The following LAMA2 variants were observed in gnomAD, a reference collection of about 807,000 sequenced individuals.
LAMA2 encodes laminin subunit alpha-2.
A neutral mutation model predicts 364.8 loss-of-function variants in LAMA2; 269 were observed. The ratio of observed to expected loss-of-function variants is 0.74; its 90% CI spans 0.67 to 0.82. LAMA2 has a LOEUF of 0.82. Ranked by LOEUF, LAMA2 falls within the 40% of genes least tolerant of loss-of-function variation. LAMA2 has a pLI of 0.00. For missense variants in LAMA2, 3,807 were observed against 3,873.2 expected (o/e 0.98, Z 0.45); for synonymous variants, 1,379 against 1,370.6 (o/e 1.01, Z -0.14).
chr6:129,207,701 G>C (rs1311984672), intron 12 of LAMA2, among the ~76,000 whole-genome samples: 1 of 152,016 alleles, frequency 6.6e-6, no homozygotes, highest in Non-Finnish European at 1.5e-5. Flanking sequence ...GGAGCAAAAG[G>C]GTTATTTTTA....
chr6:129,009,542 T>C (rs998788512), intron 1 of LAMA2, among the ~76,000 whole-genome samples: 1 of 152,204 alleles, frequency 6.6e-6, no homozygotes, highest in Non-Finnish European at 1.5e-5. Context: ...GTGTTTGACC[T>C]TTTGTGCCTT....
chr6:129,353,186 A>C lies in LAMA2; in HGVS notation c.4546A>C (p.Ser1516Arg), dbSNP rs1199904103. The C allele has an allele frequency of 1.9e-6, 3 of 1,613,810 alleles. No individual in the cohort carries two copies. In the South Asian group the frequency reaches 3.3e-5, roughly 18 times the overall value. The change falls in exon 32 of 65, where the codon AGT becomes CGT. Residue 1516 changes from serine (S) to arginine (R), a missense_variant. Ser to Arg is a moderately radical substitution (Grantham distance 110, BLOSUM62 -1). This residue lies in a region of LAMA2 where 3,333 missense variants were observed against 3,345.7 expected (regional missense o/e 1.00). Coordinates refer to ENST00000421865, the MANE Select transcript of LAMA2 (RefSeq NM_000426.4). ...CAGGTGTGCCCCTGGCTATACTGGC[A>C]GTCCAGGCAACCCTGGAGGCTCCTG... Reference protein sequence around the residue: ...CERCAPGYTGSPGNPGGSCQE... With the variant: ...CERCAPGYTGRPGNPGGSCQE...
chr6:128,961,446 G>A (rs1417720087), intron 1 of LAMA2, among the ~76,000 whole-genome samples: 1 of 143,968 alleles, frequency 6.9e-6, no homozygotes, highest in Non-Finnish European at 1.5e-5. Context: ...TTTATTAAGT[G>A]TTAACTTACT....
chr6:128,954,442 G>C (rs1225267844), intron 1 of LAMA2, among the ~76,000 whole-genome samples: 1 of 151,942 alleles, frequency 6.6e-6, no homozygotes, highest in Non-Finnish European at 1.5e-5. Flanking sequence ...TGTGTCTTAG[G>C]AAAATGAGAT....
intron 20 of LAMA2, among the ~76,000 whole-genome samples, chr6:129,295,225 A>G (rs1186148783): frequency 6.6e-6 from 1 of 152,176 alleles, no homozygotes; most frequent in African/African-American, 2.4e-5. Flanking sequence ...ACTCTCTGCC[A>G]GGGTTGTCCT....
At chr6:129,418,804 A>C (rs1026902666) in intron 40 of LAMA2, among the ~76,000 whole-genome samples, 20 of 152,112 alleles carry the variant, frequency 1.3e-4, no homozygotes, top group Admixed American at 1.0e-3. Context: ...TGATTCCTCC[A>C]TTGGCTTAAT....
Position 128,884,520 on chromosome 6 carries a change from A to C in LAMA2, c.112+1163A>C, listed in dbSNP as rs538997012. Reference sequence around the variant, plus strand: ...GTTCTTATAATCTAGCATTTTTAGCAGTACTATTTTTTAAGGAGTAAAGAG... The same window carrying C: ...GTTCTTATAATCTAGCATTTTTAGCCGTACTATTTTTTAAGGAGTAAAGAG... On this transcript the variant is annotated intron_variant, in intron 1 of 64. Coordinates refer to ENST00000421865, the MANE Select transcript of LAMA2 (RefSeq NM_000426.4). Among the ~76,000 whole-genome samples the C allele has an allele frequency of 3.3e-4, 50 of 152,234 alleles. 1 individual carries two copies. In the South Asian group the frequency reaches 5.2e-3, roughly 16 times the overall value.
chr6:129,293,090 C>A, intron 20 of LAMA2: 1 of 985,498 alleles, frequency 1.0e-6, no homozygotes, highest in Non-Finnish European at 1.2e-6. Context: ...CGCTGCATGG[C>A]TCATGCCTCT....
rs148892369 is a variant in LAMA2, at chr6:129,343,498, C to T, written c.4436+1031C>T. 7.3e-4 allele frequency among the ~76,000 whole-genome samples: 111 copies of T among 152,242 alleles called. No homozygotes were observed. The East Asian group carries it at 0.018, about 25-fold the overall frequency. On this transcript the variant is annotated intron_variant, in intron 30 of 64. Transcript: ENST00000421865. ...GCTGGATATTGAAGAGGATAATATA[C>T]ATGGTCTTATTGTTCATCCAGGGAC...
At position 129,461,551 on chromosome 6, in the gene LAMA2, C is replaced by T. The variant is rs140581662; in HGVS notation, c.6992+1227C>T. ...GCCCACATTAATATTCTGCTACTCA[C>T]AAACCAACACCAACTTTTCCCTAAG... On this transcript the variant is annotated intron_variant, in intron 49 of 64. Transcript: ENST00000421865. Among the ~76,000 whole-genome samples, 13 of 152,154 alleles carry T rather than the reference C, an allele frequency of 8.5e-5. No homozygotes were observed. The East Asian group carries it at 1.9e-3, about 23-fold the overall frequency.
At chr6:128,905,848 T>C (rs1476919470) in intron 1 of LAMA2, among the ~76,000 whole-genome samples, 1 of 151,382 alleles carries the variant, frequency 6.6e-6, no homozygotes, top group African/African-American at 2.4e-5. Flanking sequence ...TGTGATCTCA[T>C]TGTTCAATTC....
chr6:129,091,346 A>C (rs773053461), intron 3 of LAMA2, among the ~76,000 whole-genome samples: 6 of 152,194 alleles, frequency 3.9e-5, no homozygotes, highest in African/African-American at 7.2e-5. Context: ...GATTATTATT[A>C]TTAGGAATTC....
chr6:129,237,278 C>T (rs548865417), intron 12 of LAMA2, among the ~76,000 whole-genome samples: 5 of 152,188 alleles, frequency 3.3e-5, no homozygotes, highest in South Asian at 4.1e-4. Flanking sequence ...TATTGATGGA[C>T]GTACGGACAT....
intron 4 of LAMA2, among the ~76,000 whole-genome samples, chr6:129,100,682 G>C (rs1251043455): frequency 6.6e-6 from 1 of 152,164 alleles, no homozygotes; most frequent in Non-Finnish European, 1.5e-5. Flanking sequence ...GTTCAGAGGA[G>C]ATACAATATT....
chr6:128,975,645 T>C (rs1473822960), intron 1 of LAMA2, among the ~76,000 whole-genome samples: 1 of 152,134 alleles, frequency 6.6e-6, no homozygotes, highest in Non-Finnish European at 1.5e-5. Context: ...TAGGGGCAGG[T>C]CTTTCCCATG....
At chr6:129,144,111 C>T (rs1204947266) in intron 5 of LAMA2, 31 bp downstream of exon 5, 3 of 1,520,332 alleles carry the variant, frequency 2.0e-6, no homozygotes, top group Admixed American at 1.7e-5. Flanking sequence ...TTAGAGCCTA[C>T]AAATGATATC....
At chr6:129,159,267 C>G in intron 8 of LAMA2, 1 of 735,866 alleles carries the variant, frequency 1.4e-6, no homozygotes, top group Non-Finnish European at 2.4e-6. Context: ...TGCTTTCTTA[C>G]GACTCCTCCA....
At position 129,438,637 on chromosome 6, in the gene LAMA2, T is replaced by C; in HGVS notation, c.5969-9T>C. 1 of 1,442,602 alleles carries C rather than the reference T, an allele frequency of 6.9e-7. No homozygotes were observed. The highest frequency in any genetic ancestry group is 9.8e-7 in the Non-Finnish European group (1 of 1,024,084). 89.4% of individuals were successfully genotyped at this position (1,442,602 alleles called of 1,614,324 possible). A position where few individuals can be genotyped will look rare whatever the true frequency, so the allele number is the denominator to read the frequency against. On this transcript the variant is annotated splice_polypyrimidine_tract_variant and intron_variant, in intron 41 of 64. Coordinates refer to ENST00000421865, the MANE Select transcript of LAMA2 (RefSeq NM_000426.4). The stretch of plus-strand genomic sequence containing the variant: ...TTATTTAATCCTTTTTTTTGTTTTT[T>C]ATTCGCAGAAAATGAAGACCATCTA...
intron 1 of LAMA2, among the ~76,000 whole-genome samples, chr6:128,960,477 A>G (rs1554335414): frequency 8.1e-6 from 1 of 123,344 alleles, no homozygotes. Flanking sequence ...GCCCCCGCCG[A>G]CCCCCATGAG....
Sources: allele counts gnomAD v4.1 joint callset (sites outside exome capture counted in the v4.1 genomes callset), GRCh38; gene constraint gnomAD v4.1.1; regional missense constraint gnomAD v4.1.1; transcripts MANE v1.5; gene names NCBI Gene and HGNC (gene_info 2026-07-23, HGNC 2026-07-21).